Variants in SLC7A14 observed in about 807,000 individuals in gnomAD.
SLC7A14 encodes solute carrier family 7 member 14.
SLC7A14 carries 37 observed loss-of-function variants against 60.2 expected under a neutral mutation model. The ratio of observed to expected loss-of-function variants is 0.61; its 90% confidence interval spans 0.47 to 0.81. The LOEUF (loss-of-function observed/expected upper bound fraction) is 0.81, where lower values mean the gene tolerates loss of function less well. Among genes scored for constraint, SLC7A14 ranks in the 30% least tolerant of loss-of-function variants. SLC7A14 has a pLI of 0.00. For missense variants in SLC7A14, 886 were observed against 982.7 expected (o/e 0.90, Z 1.32); for synonymous variants, 399 against 395.8 (o/e 1.01, Z -0.10).
intron 1 of SLC7A14, among the ~76,000 whole-genome samples, chr3:170,551,365 C>A (rs975527390): frequency 1.3e-5 from 2 of 152,096 alleles, no homozygotes; most frequent in African/African-American, 2.4e-5. Flanking sequence ...TGTGAGCATT[C>A]GTGTACAGAT....
chr3:170,557,515 G>T (rs1173097495), intron 1 of SLC7A14, among the ~76,000 whole-genome samples: 1 of 152,158 alleles, frequency 6.6e-6, no homozygotes, highest in Non-Finnish European at 1.5e-5. Flanking sequence ...GTTGCTTTTA[G>T]CTTGTGAAGT....
At chr3:170,474,351 C>T (rs1320947257) in intron 7 of SLC7A14, among the ~76,000 whole-genome samples, 1 of 152,208 alleles carries the variant, frequency 6.6e-6, no homozygotes, top group Non-Finnish European at 1.5e-5. Flanking sequence ...CCACTGATTG[C>T]AAAGCCCTGT....
chr3:170,515,400 C>T (rs556553217), intron 2 of SLC7A14, among the ~76,000 whole-genome samples: 1 of 152,046 alleles, frequency 6.6e-6, no homozygotes, highest in Admixed American at 6.5e-5. Context: ...AGGCTGCTCA[C>T]TAGCCTGGGG....
chr3:170,470,161 A>G (rs1739845550), intron 7 of SLC7A14, among the ~76,000 whole-genome samples: 2 of 152,186 alleles, frequency 1.3e-5, no homozygotes. Context: ...AGCTTTATAC[A>G]TGGAGGGAGA....
chr3:170,566,571 A>C (rs1714794124), intron 1 of SLC7A14, among the ~76,000 whole-genome samples: 2 of 152,148 alleles, frequency 1.3e-5, no homozygotes, highest in African/African-American at 4.8e-5. Context: ...CTCTCCTGCC[A>C]CATCCATCCC....
chr3:170,578,793 A>G (rs992922777), intron 1 of SLC7A14, among the ~76,000 whole-genome samples: 3 of 152,222 alleles, frequency 2.0e-5, no homozygotes, highest in African/African-American at 4.8e-5. Context: ...GCCCTATTTC[A>G]TCGAACCATA....
At chr3:170,470,308 ATGTGTGTGTG>A (rs60682275) in intron 7 of SLC7A14, among the ~76,000 whole-genome samples, 2 of 143,594 alleles carry the variant, frequency 1.4e-5, no homozygotes, top group East Asian at 2.1e-4. Flanking sequence ...TGGAAGGAAC[ATGTGTGTGTG>A]TGTGTGTGTG....
chr3:170,496,769 TC>T, intron 4 of SLC7A14: 1 of 728,172 alleles, frequency 1.4e-6, no homozygotes, highest in Non-Finnish European at 2.5e-6. Flanking sequence ...TTTGGCTCTG[TC>T]GCGGGCTCCA....
At position 170,556,241 on chromosome 3, in the gene SLC7A14, G is replaced by T. The variant is rs186398655; in HGVS notation, c.-152-29153C>A. On this transcript the variant is annotated intron_variant, in intron 1 of 7. Transcript: ENST00000231706. ...ATCTAAGATATGATACTCATAAATA[G>T]TTGTGATCCCAGCCCATTTCTTATA... Among the ~76,000 whole-genome samples, 302 of 152,304 alleles carry T rather than the reference G, an allele frequency of 2.0e-3. 1 individual carries two copies. The highest frequency in any genetic ancestry group is 6.9e-3 in the African/African-American group (287 of 41,558).
chr3:170,498,727 G>A lies in SLC7A14; in HGVS notation c.699C>T (p.Leu233=). ...CCCAGTATTTCCCATTGATGAAGAA[G>A]AGGCCTGCGATCATGATGAACACCC... ...AVWVFIMIAG[L]FFINGKYWAE... Residue 233 remains leucine (L), a synonymous_variant, in exon 4 of 8, where the codon CTC becomes CTT. Coordinates refer to ENST00000231706, the MANE Select transcript of SLC7A14 (RefSeq NM_020949.3). 2 of 1,614,186 alleles carry A rather than the reference G, an allele frequency of 1.2e-6. No homozygotes were observed. Among genetic ancestry groups the A allele is most frequent in the Non-Finnish European group, 8.5e-7 (1 of 1,180,040 alleles).
Position 170,481,028 on chromosome 3 carries a change from G to A in SLC7A14, c.1254C>T (p.Ala418=), listed in dbSNP as rs1351070219. Residue 418 remains alanine, a synonymous_variant, in exon 7 of 8, where the codon GCC becomes GCT. Transcript: ENST00000231706. ...AGACACAGACAGAGACCAAGGTGTA[G>A]GCCAGGAGCGTGCCGATAGACATCA... ...IEMMSIGTLL[A]YTLVSVCVLL... 6.2e-7 allele frequency: 1 copy of A among 1,614,094 alleles called. No individual in the cohort carries two copies. The highest frequency in any genetic ancestry group is 8.5e-7 in the Non-Finnish European group (1 of 1,180,024).
At position 170,486,413 on chromosome 3, in the gene SLC7A14, C is replaced by T. The variant is rs766609865; in HGVS notation, c.760-45G>A. 5.6e-6 allele frequency: 9 copies of T among 1,613,550 alleles called. No homozygotes were observed. The East Asian group carries it at 6.7e-5, about 12-fold the overall frequency. On this transcript the variant is annotated intron_variant, in intron 4 of 7. Transcript: ENST00000231706. ...TGTCAGACTCAGAAGATCGGGGTGG[C>T]ACCTGGGTCTTAAATGTGGAAAGTG...
At chr3:170,549,211 C>CT (rs1714265748) in intron 1 of SLC7A14, among the ~76,000 whole-genome samples, 2 of 119,014 alleles carry the variant, frequency 1.7e-5, no homozygotes, top group African/African-American at 7.7e-5. Context: ...CACCGGCCTT[C>CT]TTCTTTTTTT....
chr3:170,555,762 C>T (rs1714469963), intron 1 of SLC7A14, among the ~76,000 whole-genome samples: 1 of 152,136 alleles, frequency 6.6e-6, no homozygotes, highest in South Asian at 2.1e-4. Context: ...TATGGGACCA[C>T]GGTTGTATAT....
intron 7 of SLC7A14, among the ~76,000 whole-genome samples, chr3:170,477,903 T>C (rs1053489862): frequency 2.6e-5 from 4 of 152,222 alleles, no homozygotes; most frequent in Non-Finnish European, 5.9e-5. Flanking sequence ...AATAAGTCTA[T>C]GTATATTTGT....
chr3:170,582,678 T>C (rs1461131055), intron 1 of SLC7A14, among the ~76,000 whole-genome samples: 2 of 152,142 alleles, frequency 1.3e-5, no homozygotes, highest in East Asian at 1.9e-4. Flanking sequence ...TAAGAAGCCA[T>C]ATGGGAATTT....
intron 2 of SLC7A14, among the ~76,000 whole-genome samples, chr3:170,525,270 G>A (rs1011299126): frequency 1.3e-5 from 2 of 152,212 alleles, no homozygotes; most frequent in Non-Finnish European, 2.9e-5. Flanking sequence ...GGAAGATACC[G>A]TAGATTGCTA....
intron 2 of SLC7A14, among the ~76,000 whole-genome samples, chr3:170,516,500 A>T (rs1713162934): frequency 6.6e-6 from 1 of 151,880 alleles, no homozygotes; most frequent in African/African-American, 2.4e-5. Context: ...AGGCAGGAGG[A>T]TAGCTCGAGG....
chr3:170,481,234 A>T (rs770771026), intron 6 of SLC7A14, 68 bp from the exon 7 acceptor site: 408 of 1,502,428 alleles, frequency 2.7e-4, no homozygotes, highest in Non-Finnish European at 3.6e-4. Flanking sequence ...CAGCCAACAT[A>T]GGGAGCTAGA....
Sources: allele counts gnomAD v4.1 joint callset (sites outside exome capture counted in the v4.1 genomes callset), GRCh38; gene constraint gnomAD v4.1.1; transcripts MANE v1.5; gene names NCBI Gene and HGNC (gene_info 2026-07-23, HGNC 2026-07-21).